The following DENND5B variants were observed in gnomAD, a reference collection of about 807,000 sequenced individuals.
DENND5B encodes DENN domain-containing protein 5B.
In DENND5B, 34 loss-of-function variants were observed where a neutral mutation model predicts 140.6. That is an observed-to-expected ratio of 0.24 (90% CI 0.18 to 0.32). DENND5B has a LOEUF of 0.32. DENND5B is among the 10% of genes least tolerant of loss of function. DENND5B has a pLI of 1.00. For missense variants in DENND5B, 1,142 were observed against 1,560.2 expected, an observed-to-expected ratio of 0.73 and a Z score of 4.52; for synonymous variants, 551 against 562.1, an observed-to-expected ratio of 0.98 and a Z score of 0.28.
intron 6 of DENND5B, 72 bp downstream of exon 6, chr12:31,447,466 G>GT (rs1426765452): frequency 6.7e-6 from 9 of 1,333,632 alleles, no homozygotes; most frequent in Non-Finnish European, 8.2e-6. Context: ...TTTGTTGTAC[G>GT]TAAGGCCAGC....
At chr12:31,474,516 T>A (rs1945705014) in intron 3 of DENND5B, among the ~76,000 whole-genome samples, 1 of 152,184 alleles carries the variant, frequency 6.6e-6, no homozygotes, top group Admixed American at 6.5e-5. Context: ...ATATATGCAT[T>A]TCCTAAATAA....
intron 1 of DENND5B, among the ~76,000 whole-genome samples, chr12:31,532,436 T>C (rs1948319970): frequency 6.6e-6 from 1 of 152,104 alleles, no homozygotes; most frequent in African/African-American, 2.4e-5. Context: ...GAAAAATCAC[T>C]GAGGTGGCTT....
At chr12:31,465,948 G>A (rs1023022622) in intron 3 of DENND5B, 1 of 152,260 alleles carries the variant, frequency 6.6e-6, no homozygotes, top group Non-Finnish European at 1.5e-5. Context: ...GCTTCACTGT[G>A]ACCAAAAAAT....
chr12:31,469,342 AAAAAAAG>A (rs1945432935), intron 3 of DENND5B, among the ~76,000 whole-genome samples: 1 of 136,226 alleles, frequency 7.3e-6, no homozygotes, highest in Non-Finnish European at 1.6e-5. Context: ...CAAAAAAAAA[AAAAAAAG>A]AAGAAGAAGA....
At chr12:31,517,103 GA>G (rs952231118) in intron 1 of DENND5B, among the ~76,000 whole-genome samples, 4 of 149,192 alleles carry the variant, frequency 2.7e-5, no homozygotes, top group Non-Finnish European at 3.0e-5. Context: ...TTCGGCTGGG[GA>G]AAAAAAAACA....
intron 6 of DENND5B, among the ~76,000 whole-genome samples, chr12:31,446,897 A>AG (rs2138044852): frequency 1.3e-5 from 2 of 149,998 alleles, no homozygotes; most frequent in East Asian, 4.0e-4. Flanking sequence ...AAAAAAAAAA[A>AG]AAAGAAAAAG....
At chr12:31,398,512 G>C (rs1941608002) in intron 16 of DENND5B, 150 bp from the exon 17 acceptor site, 1 of 691,566 alleles carries the variant, frequency 1.4e-6, no homozygotes, top group Non-Finnish European at 2.3e-6. Context: ...ACATTGCCCA[G>C]GCTGGTCTTG....
intron 13 of DENND5B, 70 bp from the exon 14 acceptor site, chr12:31,409,454 T>A (rs1593088569): frequency 6.2e-6 from 6 of 969,050 alleles, no homozygotes; most frequent in Non-Finnish European, 8.0e-6. Flanking sequence ...GACAGTAGTA[T>A]CATGTACTTT....
chr12:31,418,757 C>T (rs988353404), intron 11 of DENND5B, among the ~76,000 whole-genome samples: 8 of 152,054 alleles, frequency 5.3e-5, no homozygotes, highest in African/African-American at 9.7e-5. Flanking sequence ...GAGGGAGACA[C>T]GACAACCAGA....
intron 7 of DENND5B, among the ~76,000 whole-genome samples, chr12:31,440,148 C>G (rs1452903379): frequency 6.6e-6 from 1 of 151,818 alleles, no homozygotes; most frequent in East Asian, 1.9e-4. Flanking sequence ...AAGTTTGAAC[C>G]CTCACAACCA....
chr12:31,419,847 C>T (rs930099328), intron 11 of DENND5B, among the ~76,000 whole-genome samples: 7 of 151,850 alleles, frequency 4.6e-5, no homozygotes, highest in Non-Finnish European at 1.0e-4. Flanking sequence ...GTGGCACACG[C>T]CTGTAATCCC....
chr12:31,410,602 A>C (rs1336076841), intron 13 of DENND5B, among the ~76,000 whole-genome samples: 1 of 151,820 alleles, frequency 6.6e-6, no homozygotes, highest in Non-Finnish European at 1.5e-5. Context: ...ATGGGGTCTC[A>C]CTATATTGCC....
At chr12:31,567,620 T>C (rs894315637) in intron 1 of DENND5B, among the ~76,000 whole-genome samples, 1 of 151,184 alleles carries the variant, frequency 6.6e-6, no homozygotes, top group Non-Finnish European at 1.5e-5. Context: ...TCCAGAGTGA[T>C]ATTCCTAAGG....
chr12:31,441,922 A>G (rs777707185), intron 7 of DENND5B, among the ~76,000 whole-genome samples: 1 of 151,430 alleles, frequency 6.6e-6, no homozygotes, highest in Non-Finnish European at 1.5e-5. Context: ...GGCTCAAGCT[A>G]TCTGCCTGCC....
At chr12:31,457,329 A>T (rs894683592) in intron 4 of DENND5B, among the ~76,000 whole-genome samples, 2 of 152,230 alleles carry the variant, frequency 1.3e-5, no homozygotes, top group Non-Finnish European at 2.9e-5. Flanking sequence ...ATCACTCTTA[A>T]ATCATGAGGA....
At chr12:31,541,587 A>G (rs1023023948) in intron 1 of DENND5B, among the ~76,000 whole-genome samples, 2 of 152,238 alleles carry the variant, frequency 1.3e-5, no homozygotes, top group African/African-American at 4.8e-5. Flanking sequence ...GAACCCTTGT[A>G]GACAGCTGGT....
In DENND5B at chr12:31,460,395, G is replaced by C. The variant is rs753269793; in HGVS notation, c.905-14C>G. 6.2e-7 allele frequency: 1 copy of C among 1,601,240 alleles called. No homozygotes were observed. The highest frequency in any genetic ancestry group is 1.1e-5 in the South Asian group (1 of 89,782). On this transcript the variant is annotated splice_polypyrimidine_tract_variant and intron_variant, in intron 3 of 20. Transcript: ENST00000389082. ...GGCGTTGATAATCTGCACAGAACAA[G>C]GAAAAAGGAAAGGGAAGAGTCCAAG...
intron 20 of DENND5B, among the ~76,000 whole-genome samples, chr12:31,388,363 T>A (rs562255769): frequency 6.6e-6 from 1 of 151,650 alleles, no homozygotes; most frequent in African/African-American, 2.4e-5. Context: ...AGTATAGAGA[T>A]AAAAGGAGAT....
chr12:31,587,753 G>A (rs746217415), intron 1 of DENND5B, among the ~76,000 whole-genome samples: 66 of 151,782 alleles, frequency 4.3e-4, no homozygotes, highest in Non-Finnish European at 2.2e-4. Context: ...CACCATATTG[G>A]CCAGGCTGGT....
Sources: allele counts gnomAD v4.1 joint callset (sites outside exome capture counted in the v4.1 genomes callset), GRCh38; gene constraint gnomAD v4.1.1; transcripts MANE v1.5; gene names NCBI Gene and HGNC (gene_info 2026-07-23, HGNC 2026-07-21).